The following GMPS variants were observed in gnomAD, a reference collection of about 807,000 sequenced individuals.
The protein encoded by GMPS is guanosine monophosphate synthase.
Under a neutral mutation model 77.9 loss-of-function variants are expected in GMPS, and 15 were observed. The observed-to-expected ratio is 0.19, with a 90% CI of 0.13 to 0.30. GMPS has a LOEUF of 0.30. GMPS is among the 10% of genes least tolerant of loss of function. The pLI is 1.00. For synonymous variants in GMPS, 224 were observed against 275.9 expected (o/e 0.81, Z 1.86); for missense variants, 590 against 838.8 (o/e 0.70, Z 3.66).
At chr3:155,883,543 A>G (rs929889248) in intron 1 of GMPS, among the ~76,000 whole-genome samples, 1 of 152,160 alleles carries the variant, frequency 6.6e-6, no homozygotes, top group Non-Finnish European at 1.5e-5. Context: ...TTTTAAGGTC[A>G]TCTTTATTAG....
At chr3:155,930,205 A>G (rs1378430324) in intron 12 of GMPS, among the ~76,000 whole-genome samples, 1 of 148,050 alleles carries the variant, frequency 6.8e-6, no homozygotes, top group African/African-American at 2.5e-5. Context: ...AAATAACGCC[A>G]CATACCTACA....
Position 155,910,801 on chromosome 3 carries a change from A to T in GMPS, c.636A>T (p.Gly212=), listed in dbSNP as rs2108102803. 6.2e-7 allele frequency: 1 copy of T among 1,612,094 alleles called. No individual in the cohort carries two copies. The highest frequency in any genetic ancestry group is 2.2e-5 in the East Asian group (1 of 44,852). The part of the protein sequence containing the change: ...ILKNFLYDIA[G]CSGTFTVQNR... ...AGAATTTCCTTTATGATATAGCTGGATGCAGTGGAACCTTCACCGTGCAGA... is the reference window on the plus strand; with the variant it reads ...AGAATTTCCTTTATGATATAGCTGGTTGCAGTGGAACCTTCACCGTGCAGA... Residue 212 remains glycine (G), a synonymous_variant, in exon 6 of 16, where the codon GGA becomes GGT. Coordinates refer to ENST00000496455, the MANE Select transcript of GMPS (RefSeq NM_003875.3).
At position 155,936,556 on chromosome 3, in the gene GMPS, C is replaced by T. The variant is rs200749642; in HGVS notation, c.1980+46C>T. ...TAATGCACGTTCTCAGTACCTCTTA[C>T]ATTTTATAATATGGTGAATGGAATA... is the stretch of plus-strand genomic sequence containing the variant. On this transcript the variant is annotated intron_variant, in intron 15 of 15. Coordinates refer to ENST00000496455, the MANE Select transcript of GMPS (RefSeq NM_003875.3). 29 of 1,068,740 alleles carry T rather than the reference C, an allele frequency of 2.7e-5. No individual in the cohort carries two copies. The East Asian group carries it at 6.6e-4, about 24-fold the overall frequency. The allele number at this position is 1,068,740 out of a possible 1,614,324, so 66.2% of individuals were successfully genotyped here.
intron 3 of GMPS, among the ~76,000 whole-genome samples, chr3:155,900,300 A>AT (rs1288815816): frequency 2.0e-5 from 3 of 149,706 alleles, no homozygotes; most frequent in Non-Finnish European, 1.5e-5. Context: ...AAAAAGAAAG[A>AT]TTTTTTTCCA....
chr3:155,916,217 A>T (rs761668801), intron 9 of GMPS, 25 bp downstream of exon 9: 1 of 1,453,912 alleles, frequency 6.9e-7, no homozygotes, highest in African/African-American at 1.4e-5. Flanking sequence ...AAACTTTTTC[A>T]TAAAGTAGAT....
At chr3:155,897,692 A>G (rs1255509409) in intron 2 of GMPS, among the ~76,000 whole-genome samples, 1 of 152,244 alleles carries the variant, frequency 6.6e-6, no homozygotes, top group Non-Finnish European at 1.5e-5. Context: ...TGTGCTTATT[A>G]ACAAGTAAAT....
chr3:155,897,439 A>G (rs1409704943), intron 2 of GMPS, among the ~76,000 whole-genome samples: 1 of 152,166 alleles, frequency 6.6e-6, no homozygotes, highest in African/African-American at 2.4e-5. Context: ...GTAAACAGGC[A>G]AAGTTGGGTA....
chr3:155,919,227 C>T lies in GMPS; in HGVS notation c.1213-6C>T, dbSNP rs1216733337. On this transcript the variant is annotated splice_region_variant and splice_polypyrimidine_tract_variant and intron_variant, in intron 9 of 15. Coordinates refer to ENST00000496455, the MANE Select transcript of GMPS (RefSeq NM_003875.3). ...TTATATTGGTTGGCTTCTTTCCTCC[C>T]TGTAGGGAAAAGTAATAGAACCTCT... 1 of 1,409,650 alleles carries T rather than the reference C, an allele frequency of 7.1e-7. No individual in the cohort carries two copies. Among genetic ancestry groups the T allele is most frequent in the Admixed American group, 1.9e-5 (1 of 52,822 alleles). 87.3% of individuals were successfully genotyped at this position (1,409,650 alleles called of 1,614,324 possible). A position where few individuals can be genotyped will look rare whatever the true frequency, so the allele number is the denominator to read the frequency against.
intron 1 of GMPS, among the ~76,000 whole-genome samples, chr3:155,892,256 A>G (rs1754489340): frequency 6.6e-6 from 1 of 152,188 alleles, no homozygotes; most frequent in Admixed American, 6.5e-5. Flanking sequence ...ACTTTTATAT[A>G]AGACACATTG....
At chr3:155,933,700 C>T (rs762703397) in intron 13 of GMPS, among the ~76,000 whole-genome samples, 7 of 151,944 alleles carry the variant, frequency 4.6e-5, no homozygotes, top group Non-Finnish European at 7.4e-5. Context: ...TGATAGTTTC[C>T]GGGGAGATTT....
intron 1 of GMPS, among the ~76,000 whole-genome samples, chr3:155,892,331 G>A (rs1023436169): frequency 4.5e-4 from 68 of 152,042 alleles, no homozygotes; most frequent in African/African-American, 1.6e-3. Context: ...AACTTTTAAA[G>A]CGTTTCTTTA....
chr3:155,941,351 C>T lies in GMPS; in HGVS notation c.*3659C>T, dbSNP rs1317926963. 7 of 174,104 alleles carry T rather than the reference C, an allele frequency of 4.0e-5. No homozygotes were observed. The highest frequency in any genetic ancestry group is 1.3e-4 in the African/African-American group (5 of 39,966). The allele number at this position is 174,104 out of a possible 1,614,324, so 10.8% of individuals were successfully genotyped here. The stretch of plus-strand genomic sequence containing the variant: ...CCCAGGAGGCGGAGCTTGCAGTGAG[C>T]TGAGATAGTGCCACTGCACTCCGGC... On this transcript the variant is annotated 3_prime_UTR_variant, in exon 16 of 16. Transcript: ENST00000496455.
At chr3:155,916,250 CCCT>C (rs1434468798) in intron 9 of GMPS, 58 bp downstream of exon 9, 2 of 972,136 alleles carry the variant, frequency 2.1e-6, no homozygotes, top group Non-Finnish European at 3.2e-6. Context: ...TTCCATTCTT[CCCT>C]CCTCTTCCCT....
rs1033543558 is a variant in GMPS at position 155,939,083 on chromosome 3, G to A, written c.*1391G>A. ...CATCTTTTTATTCTGGCTGGTCCAG[G>A]GAACAAGAAAACTGCTGCTGGACCA... On this transcript the variant is annotated 3_prime_UTR_variant, in exon 16 of 16. Transcript: ENST00000496455. 2.3e-5 allele frequency: 5 copies of A among 218,152 alleles called. No individual in the cohort carries two copies. Among genetic ancestry groups the A allele is most frequent in the Admixed American group, 1.2e-4 (2 of 17,266 alleles). The allele number at this position is 218,152 out of a possible 1,614,324, so 13.5% of individuals were successfully genotyped here.
At position 155,938,144 on chromosome 3, in the gene GMPS, C is replaced by T. The variant is rs1755804739; in HGVS notation, c.*452C>T. 4.5e-6 allele frequency: 1 copy of T among 224,702 alleles called. No homozygotes were observed. The highest frequency in any genetic ancestry group is 5.7e-5 in the Admixed American group (1 of 17,656). 13.9% of individuals were successfully genotyped at this position (224,702 alleles called of 1,614,324 possible). ...TTTTCTTATAAGTAATCTTATTTCTCCAAAGGGTGAAAAAGAGATGAACAT... is the reference window on the plus strand; with the variant it reads ...TTTTCTTATAAGTAATCTTATTTCTTCAAAGGGTGAAAAAGAGATGAACAT... On this transcript the variant is annotated 3_prime_UTR_variant, in exon 16 of 16. Coordinates refer to ENST00000496455, the MANE Select transcript of GMPS (RefSeq NM_003875.3).
chr3:155,925,561 G>A (rs1320107949), intron 12 of GMPS, among the ~76,000 whole-genome samples, 195 bp downstream of exon 12: 2 of 152,142 alleles, frequency 1.3e-5, no homozygotes, highest in African/African-American at 4.8e-5. Context: ...AAATATGTGA[G>A]TATATATACC....
intron 15 of GMPS, 122 bp downstream of exon 15, chr3:155,936,632 G>T: frequency 1.7e-6 from 1 of 601,796 alleles, no homozygotes; most frequent in South Asian, 2.6e-5. Context: ...CATAAGATAG[G>T]CTTTTTTTTT....
chr3:155,874,948 C>T (rs1754007811), intron 1 of GMPS, among the ~76,000 whole-genome samples: 1 of 131,196 alleles, frequency 7.6e-6, no homozygotes, highest in Non-Finnish European at 1.5e-5. Flanking sequence ...GGCTCTGTTG[C>T]CCAGGCTGGA....
chr3:155,901,289 G>A (rs1754731791), intron 3 of GMPS, among the ~76,000 whole-genome samples: 1 of 151,850 alleles, frequency 6.6e-6, no homozygotes. Context: ...CATACTACCT[G>A]TATTATTTTC....
Sources: gnomAD v4.1 joint callset for allele counts (sites outside exome capture counted in the v4.1 genomes callset) on GRCh38, gnomAD v4.1.1 for gene constraint, MANE v1.5 for transcripts, NCBI Gene and HGNC (gene_info 2026-07-23, HGNC 2026-07-21) for gene names.